Variants in ANKS1B observed in about 807,000 individuals in gnomAD.
ANKS1B encodes the protein ankyrin repeat and sterile alpha motif domain-containing protein 1B.
In ANKS1B, 36 loss-of-function variants were observed where a neutral mutation model predicts 148.3. The ratio of observed to expected loss-of-function variants is 0.24; its 90% CI spans 0.19 to 0.32. ANKS1B has a LOEUF of 0.32. ANKS1B is among the 10% of genes least tolerant of loss of function. The probability of loss-of-function intolerance (pLI) is 1.00; values close to 1 mark genes in which losing one functional copy is unlikely to be tolerated. For missense variants in ANKS1B, 1,157 were observed against 1,542.6 expected (o/e 0.75, Z 4.19); for synonymous variants, 542 against 560.8 (o/e 0.97, Z 0.47).
intron 17 of ANKS1B, among the ~76,000 whole-genome samples, chr12:98,888,595 A>G (rs1215436539): frequency 6.6e-6 from 1 of 152,226 alleles, no homozygotes; most frequent in Admixed American, 6.5e-5. Flanking sequence ...GTCACGCTGG[A>G]CTGCTCTCTG....
At chr12:99,480,821 T>C (rs2096399201) in intron 10 of ANKS1B, among the ~76,000 whole-genome samples, 1 of 151,818 alleles carries the variant, frequency 6.6e-6, no homozygotes, top group African/African-American at 2.4e-5. Flanking sequence ...CTAGCAAAAT[T>C]TTCATTACTG....
At chr12:99,342,457 T>C (rs2090064058) in intron 12 of ANKS1B, among the ~76,000 whole-genome samples, 1 of 152,044 alleles carries the variant, frequency 6.6e-6, no homozygotes, top group Non-Finnish European at 1.5e-5. Context: ...AAACTGACCC[T>C]GCGATAAGTC....
At chr12:99,200,760 G>C (rs890056909) in intron 14 of ANKS1B, among the ~76,000 whole-genome samples, 4 of 152,170 alleles carry the variant, frequency 2.6e-5, no homozygotes. Context: ...GAAGATTCTA[G>C]GCAGTTCTTA....
chr12:98,876,274 T>A (rs1188029313), intron 17 of ANKS1B, among the ~76,000 whole-genome samples: 2 of 151,938 alleles, frequency 1.3e-5, no homozygotes, highest in African/African-American at 2.4e-5. Flanking sequence ...TGCTGTTTCC[T>A]GTAACTGCTG....
At chr12:99,082,616 TA>T in intron 16 of ANKS1B, among the ~76,000 whole-genome samples, 1 of 152,136 alleles carries the variant, frequency 6.6e-6, no homozygotes, top group Non-Finnish European at 1.5e-5. Flanking sequence ...TAGTCCAGGA[TA>T]GAGGAGAACA....
chr12:98,809,899 T>C (rs1455894919), intron 19 of ANKS1B, among the ~76,000 whole-genome samples: 1 of 152,020 alleles, frequency 6.6e-6, no homozygotes, highest in Non-Finnish European at 1.5e-5. Context: ...AAAATAGACA[T>C]CATAAGAGTG....
At chr12:98,919,150 T>C (rs1236173421) in intron 17 of ANKS1B, among the ~76,000 whole-genome samples, 1 of 152,240 alleles carries the variant, frequency 6.6e-6, no homozygotes, top group Non-Finnish European at 1.5e-5. Flanking sequence ...GCTCTGTTTC[T>C]TTTCCTACTT....
chr12:99,255,354 T>C (rs2075133940), intron 12 of ANKS1B, among the ~76,000 whole-genome samples: 2 of 152,062 alleles, frequency 1.3e-5, no homozygotes, highest in Admixed American at 6.5e-5. Context: ...TCCTAATAGG[T>C]TTATTTGTGC....
chr12:98,954,739 A>C (rs1415246492), intron 17 of ANKS1B, among the ~76,000 whole-genome samples: 1 of 152,198 alleles, frequency 6.6e-6, no homozygotes, highest in Non-Finnish European at 1.5e-5. Flanking sequence ...AGGTTCTTAA[A>C]AGCTCTAAGA....
At chr12:99,340,404 A>G (rs2089702347) in intron 12 of ANKS1B, among the ~76,000 whole-genome samples, 1 of 152,182 alleles carries the variant, frequency 6.6e-6, no homozygotes, top group Admixed American at 6.5e-5. Context: ...GTATAACAGC[A>G]ATACAGTCAT....
At chr12:99,532,308 A>G (rs918485017) in intron 9 of ANKS1B, among the ~76,000 whole-genome samples, 10 of 152,090 alleles carry the variant, frequency 6.6e-5, no homozygotes, top group Non-Finnish European at 1.3e-4. Context: ...TTCTTCTACA[A>G]TTTTTATGGT....
chr12:99,125,390 C>T (rs749177873), intron 15 of ANKS1B, among the ~76,000 whole-genome samples: 7 of 152,248 alleles, frequency 4.6e-5, no homozygotes, highest in Admixed American at 2.6e-4. Context: ...TAATAATTCA[C>T]GTTCAATGCA....
At chr12:99,430,679 GCTT>G (rs1388629982) in intron 11 of ANKS1B, among the ~76,000 whole-genome samples, 4 of 152,172 alleles carry the variant, frequency 2.6e-5, no homozygotes, top group African/African-American at 9.7e-5. Flanking sequence ...AACTAAGCAT[GCTT>G]ATTATTGCCT....
chr12:99,591,514 A>G (rs1159808351), intron 9 of ANKS1B, among the ~76,000 whole-genome samples: 1 of 150,304 alleles, frequency 6.7e-6, no homozygotes, highest in Non-Finnish European at 1.5e-5. Context: ...AATTCTTAAA[A>G]TTATTCATTA....
intron 8 of ANKS1B, among the ~76,000 whole-genome samples, chr12:99,752,901 T>C (rs921193752): frequency 6.6e-6 from 1 of 152,040 alleles, no homozygotes; most frequent in Non-Finnish European, 1.5e-5. Context: ...AGGTAAAATA[T>C]GTCAAATTAA....
chr12:98,788,543 G>C (rs2098818737), intron 22 of ANKS1B, among the ~76,000 whole-genome samples: 1 of 152,174 alleles, frequency 6.6e-6, no homozygotes, highest in Non-Finnish European at 1.5e-5. Context: ...CAGAACCTAA[G>C]ACCAGGTGAC....
chr12:99,881,199 G>A (rs2092458825), intron 1 of ANKS1B, among the ~76,000 whole-genome samples: 1 of 152,174 alleles, frequency 6.6e-6, no homozygotes, highest in African/African-American at 2.4e-5. Context: ...TGGCTCAACA[G>A]GTAGGAAAAC....
At chr12:99,107,552 T>C (rs1430857222) in intron 15 of ANKS1B, among the ~76,000 whole-genome samples, 2 of 152,184 alleles carry the variant, frequency 1.3e-5, no homozygotes, top group African/African-American at 4.8e-5. Context: ...TAGAGGATAA[T>C]GAGAACAGAA....
chr12:99,805,558 T>C (rs1320957887), intron 4 of ANKS1B, among the ~76,000 whole-genome samples: 3 of 151,936 alleles, frequency 2.0e-5, no homozygotes, highest in Admixed American at 1.3e-4. Context: ...GCCCAGGAGG[T>C]GGAGGCTGCA....
Sources: gnomAD v4.1 joint callset for allele counts (sites outside exome capture counted in the v4.1 genomes callset) on GRCh38, gnomAD v4.1.1 for gene constraint, MANE v1.5 for transcripts, NCBI Gene and HGNC (gene_info 2026-07-23, HGNC 2026-07-21) for gene names.